Variants in PKHD1 observed in about 807,000 individuals in gnomAD.
PKHD1 encodes PKHD1 ciliary IPT domain containing fibrocystin/polyductin, also known as fibrocystin.
A neutral mutation model predicts 412.0 loss-of-function variants in PKHD1; 291 were observed. That is an observed-to-expected ratio of 0.71 (90% CI 0.64 to 0.78). PKHD1 has a LOEUF of 0.78. Ranked by LOEUF, PKHD1 falls within the 30% of genes least tolerant of loss-of-function variation. The pLI, the probability that PKHD1 is intolerant of heterozygous loss-of-function variation, is 0.00. For missense variants in PKHD1, 4,825 were observed against 4,950.7 expected, an observed-to-expected ratio of 0.97 and a Z score of 0.76; for synonymous variants, 1,777 against 1,821.5, an observed-to-expected ratio of 0.98 and a Z score of 0.62.
intron 52 of PKHD1, among the ~76,000 whole-genome samples, chr6:51,793,104 T>A (rs187300774): frequency 6.6e-6 from 1 of 152,166 alleles, no homozygotes; most frequent in African/African-American, 2.4e-5. Context: ...ATCCCCTACA[T>A]ACCTTAAATT....
intron 55 of PKHD1, among the ~76,000 whole-genome samples, chr6:51,760,112 A>G (rs1562250168): frequency 6.6e-6 from 1 of 152,104 alleles, no homozygotes; most frequent in East Asian, 1.9e-4. Flanking sequence ...TAATACTTAA[A>G]CTAAGTTGTT....
rs372324070 is a variant in PKHD1 at position 51,836,401 on chromosome 6, C to T, written c.8173+3G>A. On this transcript the variant is annotated splice_donor_region_variant and intron_variant, in intron 51 of 66. Transcript: ENST00000371117. The stretch of plus-strand genomic sequence containing the variant: ...CACTTCTACTTCGTGTGTTAATACT[C>T]ACCTGAAATAGTTGGGGGCATACCT... 8 of 1,600,412 alleles carry T rather than the reference C, an allele frequency of 5.0e-6. No individual in the cohort carries two copies. In the South Asian group the frequency reaches 6.6e-5, roughly 13 times the overall value.
Position 52,026,213 on chromosome 6 carries a change from T to C in PKHD1, c.3629-32A>G, listed in dbSNP as rs2499480. On this transcript the variant is annotated intron_variant, in intron 31 of 66. Transcript: ENST00000371117. ...TATGAATACGGAAAGCAAAATATTA[T>C]AGCTGATATTCTGAACTAAGAATTC... 852,821 of 1,595,544 alleles carry C rather than the reference T, an allele frequency of 0.53. 233,791 individuals carry two copies. Among genetic ancestry groups the C allele is most frequent in the Admixed American group, 0.64 (38,186 of 59,962 alleles).
At chr6:51,886,183 T>C (rs911800352) in intron 44 of PKHD1, among the ~76,000 whole-genome samples, 2 of 152,258 alleles carry the variant, frequency 1.3e-5, no homozygotes, top group Admixed American at 1.3e-4. Context: ...AAAATGCAGA[T>C]TACTCCAGAG....
intron 34 of PKHD1, among the ~76,000 whole-genome samples, chr6:52,013,054 G>C (rs557923729): frequency 6.6e-6 from 1 of 152,240 alleles, no homozygotes; most frequent in African/African-American, 2.4e-5. Context: ...GCCAGCAATA[G>C]GTCCTCAATC....
Position 51,648,024 on chromosome 6 carries a change from T to C in PKHD1, c.11398+7A>G. 6.6e-7 allele frequency: 1 copy of C among 1,507,848 alleles called. No homozygotes were observed. The highest frequency in any genetic ancestry group is 9.2e-7 in the Non-Finnish European group (1 of 1,082,826). The allele number at this position is 1,507,848 out of a possible 1,614,324, so 93.4% of individuals were successfully genotyped here. ...AGATATCTGAAATTTACAGATACTT[T>C]ACCTACCTTTTAGCACTGAGTCTGA... On this transcript the variant is annotated splice_region_variant and intron_variant, in intron 63 of 66. Coordinates refer to ENST00000371117, the MANE Select transcript of PKHD1 (RefSeq NM_138694.4).
chr6:52,079,440 A>T (rs1456277436), intron 5 of PKHD1, among the ~76,000 whole-genome samples: 1 of 152,166 alleles, frequency 6.6e-6, no homozygotes, highest in Non-Finnish European at 1.5e-5. Flanking sequence ...GAGTCTCTTC[A>T]ACATGCTGAG....
Position 52,033,233 on chromosome 6 carries a change from A to G in PKHD1, c.3229-68T>C, listed in dbSNP as rs1281529209. Reference sequence around the variant, plus strand: ...AAGTAGGACTGACTTAAGGGAAGAGAACTCCATATAGAATTAGTTTTAAAA... The same window carrying G: ...AAGTAGGACTGACTTAAGGGAAGAGGACTCCATATAGAATTAGTTTTAAAA... On this transcript the variant is annotated intron_variant, in intron 28 of 66. Coordinates refer to ENST00000371117, the MANE Select transcript of PKHD1 (RefSeq NM_138694.4). 4.2e-6 allele frequency: 5 copies of G among 1,200,946 alleles called. No individual in the cohort carries two copies. In the Admixed American group the frequency reaches 8.5e-5, roughly 20 times the overall value. 74.4% of individuals were successfully genotyped at this position (1,200,946 alleles called of 1,614,324 possible). A position where few individuals can be genotyped will look rare whatever the true frequency, so the allele number is the denominator to read the frequency against.
intron 4 of PKHD1, among the ~76,000 whole-genome samples, chr6:52,081,061 A>G (rs1811957971): frequency 6.6e-6 from 1 of 152,210 alleles, no homozygotes; most frequent in Non-Finnish European, 1.5e-5. Context: ...GAAAAACTGT[A>G]CATTTTTCAC....
At chr6:51,941,304 G>A (rs1484028942) in intron 36 of PKHD1, among the ~76,000 whole-genome samples, 9 of 125,488 alleles carry the variant, frequency 7.2e-5, no homozygotes, top group East Asian at 2.6e-4. Context: ...GCCGGACTGC[G>A]GACTGCAGTG....
At chr6:51,632,476 T>C in intron 65 of PKHD1, 89 bp downstream of exon 65, 1 of 1,142,110 alleles carries the variant, frequency 8.8e-7, no homozygotes, top group African/African-American at 1.6e-5. Context: ...AATTTGTCTT[T>C]GGGGAAAGAA....
At chr6:51,967,639 TGTG>T (rs1325911317) in intron 35 of PKHD1, among the ~76,000 whole-genome samples, 1 of 114,634 alleles carries the variant, frequency 8.7e-6, no homozygotes, top group African/African-American at 2.7e-5. Context: ...TGTGGGAAGT[TGTG>T]TGTGTGTGTG....
intron 60 of PKHD1, among the ~76,000 whole-genome samples, chr6:51,687,476 G>C (rs1051666555): frequency 3.3e-5 from 5 of 152,156 alleles, no homozygotes; most frequent in African/African-American, 9.7e-5. Flanking sequence ...TAAGCTCATG[G>C]TGTTAAATAT....
chr6:51,727,212 C>A (rs1260915347), intron 60 of PKHD1, among the ~76,000 whole-genome samples: 1 of 152,118 alleles, frequency 6.6e-6, no homozygotes, highest in African/African-American at 2.4e-5. Flanking sequence ...TCCTTTTCCT[C>A]TTTTCTCTTC....
chr6:51,836,528 A>C, intron 50 of PKHD1, 59 bp from the exon 51 acceptor site: 1 of 1,199,068 alleles, frequency 8.3e-7, no homozygotes, highest in Non-Finnish European at 1.2e-6. Flanking sequence ...TATTAAAGAC[A>C]GTCACACGTG....
At position 51,848,903 on chromosome 6, in the gene PKHD1, ATTTTTTTTTTTTTAGT is replaced by A. The variant is rs1028663529; in HGVS notation, c.7912-949_7912-934del. 4.6e-4 allele frequency among the ~76,000 whole-genome samples: 45 copies of A among 98,098 alleles called. No individual in the cohort carries two copies. In the East Asian group the frequency reaches 0.011, roughly 24 times the overall value. The allele number at this position is 98,098 out of a possible 152,430, so 64.4% of individuals were successfully genotyped here. ...AAATGTACCCACTTTCCTCATGGCC[ATTTTTTTTTTTTTAGT>A]TTTTTTTTTTATTTCTTCTGAAAAA... On this transcript the variant is annotated intron_variant, in intron 49 of 66. Transcript: ENST00000371117.
chr6:51,756,590 A>G (rs541293015), intron 55 of PKHD1, among the ~76,000 whole-genome samples: 1 of 152,296 alleles, frequency 6.6e-6, no homozygotes, highest in Admixed American at 6.5e-5. Flanking sequence ...AATTTTGTTC[A>G]TGATGTATTG....
chr6:51,685,502 A>T (rs9367445), intron 60 of PKHD1, among the ~76,000 whole-genome samples: 2 of 152,136 alleles, frequency 1.3e-5, no homozygotes, highest in Non-Finnish European at 2.9e-5. Context: ...TGTTAAAAAA[A>T]ATTTTTTTAA....
At position 51,953,228 on chromosome 6, in the gene PKHD1, C is replaced by T. The variant is rs536191916; in HGVS notation, c.5908+6642G>A. Among the ~76,000 whole-genome samples the T allele has an allele frequency of 2.6e-5, 4 of 152,054 alleles. No individual in the cohort carries two copies. The South Asian group carries it at 8.3e-4, about 32-fold the overall frequency. On this transcript the variant is annotated intron_variant, in intron 36 of 66. Transcript: ENST00000371117. The stretch of plus-strand genomic sequence containing the variant: ...TGCAGATAAATTATTTTGAATTTAC[C>T]AATTTGCAACAATGTTTCCAGCCCA...
Sources: allele counts gnomAD v4.1 joint callset (sites outside exome capture counted in the v4.1 genomes callset), GRCh38; gene constraint gnomAD v4.1.1; transcripts MANE v1.5; gene names NCBI Gene and HGNC (gene_info 2026-07-23, HGNC 2026-07-21).